AUTS2: variants seen among roughly 807,000 people sequenced by gnomAD.
AUTS2 encodes the protein autism susceptibility gene 2 protein.
Under a neutral mutation model 112.4 loss-of-function variants are expected in AUTS2, and 17 were observed. The ratio of observed to expected loss-of-function variants is 0.15; its 90% CI spans 0.10 to 0.23. AUTS2 has a LOEUF of 0.23. AUTS2 is among the 10% of genes least tolerant of loss of function. AUTS2 has a pLI of 1.00. For synonymous variants in AUTS2, 751 were observed against 702.7 expected, an observed-to-expected ratio of 1.07 and a Z score of -1.09; for missense variants, 1,510 against 1,701.6, an observed-to-expected ratio of 0.89 and a Z score of 1.98.
intron 2 of AUTS2, among the ~76,000 whole-genome samples, chr7:70,043,565 C>A (rs1801344139): frequency 1.1e-5 from 1 of 87,278 alleles, no homozygotes; most frequent in Non-Finnish European, 2.3e-5. Context: ...TCCTTCCTTC[C>A]TTCCTTCCTT....
At chr7:70,150,653 G>A (rs895441999) in intron 4 of AUTS2, among the ~76,000 whole-genome samples, 3 of 152,114 alleles carry the variant, frequency 2.0e-5, no homozygotes, top group African/African-American at 4.8e-5. Context: ...TTTGTAGTTA[G>A]CATTTTCATT....
intron 4 of AUTS2, among the ~76,000 whole-genome samples, chr7:70,232,289 G>T (rs1812096521): frequency 6.6e-6 from 1 of 152,090 alleles, no homozygotes; most frequent in African/African-American, 2.4e-5. Context: ...TTTCCAGTTT[G>T]TGGCTATTAT....
At chr7:69,821,225 C>T (rs1053349171) in intron 1 of AUTS2, among the ~76,000 whole-genome samples, 1 of 152,134 alleles carries the variant, frequency 6.6e-6, no homozygotes, top group Non-Finnish European at 1.5e-5. Flanking sequence ...TGAAGAAATA[C>T]ACATTTAAGT....
intron 2 of AUTS2, among the ~76,000 whole-genome samples, chr7:70,084,932 G>T (rs117555552): frequency 6.6e-6 from 1 of 152,046 alleles, no homozygotes; most frequent in Admixed American, 6.5e-5. Flanking sequence ...GAGTGCAGTG[G>T]CATGGTTATA....
At chr7:70,335,147 T>A (rs1284818764) in intron 4 of AUTS2, among the ~76,000 whole-genome samples, 1 of 152,168 alleles carries the variant, frequency 6.6e-6, no homozygotes, top group African/African-American at 2.4e-5. Flanking sequence ...TTTTTGTTTC[T>A]CAGGCTTTCT....
intron 6 of AUTS2, among the ~76,000 whole-genome samples, chr7:70,759,116 G>A (rs1789401947): frequency 6.6e-6 from 1 of 152,174 alleles, no homozygotes; most frequent in Non-Finnish European, 1.5e-5. Context: ...TAAGTCTGAT[G>A]TACTTAAATA....
intron 14 of AUTS2, among the ~76,000 whole-genome samples, chr7:70,778,572 A>G (rs961944965): frequency 2.9e-5 from 2 of 68,232 alleles, no homozygotes; most frequent in Non-Finnish European, 6.3e-5. Flanking sequence ...TCTCATCTCT[A>G]AAAAAAAAAA....
At chr7:70,785,885 C>G in intron 16 of AUTS2, 70 bp from the exon 17 acceptor site, 1 of 1,477,112 alleles carries the variant, frequency 6.8e-7, no homozygotes, top group Non-Finnish European at 9.4e-7. Flanking sequence ...TCGCCCTGCT[C>G]CCAGGAAGCT....
intron 6 of AUTS2, among the ~76,000 whole-genome samples, chr7:70,745,323 T>C (rs956201186): frequency 9.2e-5 from 14 of 152,228 alleles, no homozygotes; most frequent in African/African-American, 3.4e-4. Flanking sequence ...TTAGCAGTTC[T>C]CGTTGGCTAA....
intron 2 of AUTS2, among the ~76,000 whole-genome samples, chr7:70,016,987 T>C (rs1329967377): frequency 1.3e-5 from 2 of 152,162 alleles, no homozygotes; most frequent in Non-Finnish European, 2.9e-5. Context: ...GACTTTTTAA[T>C]GATTGTAGGG....
chr7:70,784,377 A>G (rs62456836), intron 15 of AUTS2: 10,356 of 152,688 alleles, frequency 0.068, 440 homozygotes, highest in Middle Eastern at 0.15. Context: ...GCCAGAGATG[A>G]TAACGGGCTG....
intron 13 of AUTS2, among the ~76,000 whole-genome samples, 162 bp downstream of exon 13, chr7:70,775,548 A>C (rs1456786673): frequency 6.6e-6 from 1 of 151,956 alleles, no homozygotes; most frequent in Non-Finnish European, 1.5e-5. Flanking sequence ...AAATGGCCTA[A>C]ACTGTTTTGC....
At chr7:70,715,782 C>G (rs1810333456) in intron 6 of AUTS2, among the ~76,000 whole-genome samples, 3 of 152,088 alleles carry the variant, frequency 2.0e-5, no homozygotes. Context: ...TCCACCTGCC[C>G]TGTCCTCCCA....
intron 4 of AUTS2, among the ~76,000 whole-genome samples, chr7:70,412,735 G>A (rs779607853): frequency 3.9e-5 from 6 of 152,236 alleles, no homozygotes; most frequent in Non-Finnish European, 7.3e-5. Context: ...GATCACACTT[G>A]TAATCCCAGC....
chr7:70,111,491 A>G (rs1040106178), intron 2 of AUTS2, among the ~76,000 whole-genome samples: 3 of 152,340 alleles, frequency 2.0e-5, no homozygotes, highest in East Asian at 1.9e-4. Flanking sequence ...GAGTTATGCA[A>G]TCATCACCAT....
chr7:70,787,422 A>C lies in AUTS2; in HGVS notation c.2522A>C (p.Asp841Ala). The C allele has an allele frequency of 6.2e-7, 1 of 1,611,142 alleles. No individual in the cohort carries two copies. Among genetic ancestry groups the C allele is most frequent in the Non-Finnish European group, 8.5e-7 (1 of 1,178,008 alleles). Residue 841 changes from aspartate to alanine, a missense_variant, in exon 18 of 19, where the codon GAC becomes GCC. Coordinates refer to ENST00000342771, the MANE Select transcript of AUTS2 (RefSeq NM_015570.4). Reference protein sequence around the residue: ...DKRDSSVSKDDKERESVEKRH... With the variant: ...DKRDSSVSKDAKERESVEKRH... ...CGAGACTCATCTGTTAGTAAAGATG[A>C]CAAAGAAAGGTACGGAAAGAAACCG... is the stretch of plus-strand genomic sequence containing the variant.
At chr7:70,622,826 C>T (rs1023443670) in intron 5 of AUTS2, among the ~76,000 whole-genome samples, 2 of 152,126 alleles carry the variant, frequency 1.3e-5, no homozygotes, top group African/African-American at 4.8e-5. Flanking sequence ...CCAAACTTAG[C>T]CAAAACCATT....
intron 6 of AUTS2, among the ~76,000 whole-genome samples, chr7:70,722,716 C>T (rs1401459577): frequency 6.6e-6 from 1 of 152,174 alleles, no homozygotes; most frequent in Non-Finnish European, 1.5e-5. Flanking sequence ...TTCTTCTTCA[C>T]AATGATTCTT....
At chr7:70,205,428 T>A (rs746490634) in intron 4 of AUTS2, among the ~76,000 whole-genome samples, 1 of 152,210 alleles carries the variant, frequency 6.6e-6, no homozygotes, top group Non-Finnish European at 1.5e-5. Context: ...TAACAACGTG[T>A]CAGTCAACAA....
Sources: allele counts gnomAD v4.1 joint callset (sites outside exome capture counted in the v4.1 genomes callset), GRCh38; gene constraint gnomAD v4.1.1; transcripts MANE v1.5; gene names NCBI Gene and HGNC (gene_info 2026-07-23, HGNC 2026-07-21).